VKORC1L1: variants seen among roughly 807,000 people sequenced by gnomAD.
VKORC1L1 encodes the protein vitamin K epoxide reductase complex subunit 1L1.
A neutral mutation model predicts 18.9 loss-of-function variants in VKORC1L1; 2 were observed. That is an observed-to-expected ratio of 0.11 (90% CI 0.04 to 0.33). The LOEUF (loss-of-function observed/expected upper bound fraction) is 0.33. VKORC1L1 is among the 10% of genes least tolerant of loss of function. The pLI is 1.00. For missense variants in VKORC1L1, 123 were observed against 224.1 expected (o/e 0.55, Z 2.88); for synonymous variants, 96 against 100.0 (o/e 0.96, Z 0.24).
At position 65,873,198 on chromosome 7, in the gene VKORC1L1, T is replaced by G; in HGVS notation, c.-174T>G. On this transcript the variant is annotated 5_prime_UTR_variant, in exon 1 of 3. Coordinates refer to ENST00000360768, the MANE Select transcript of VKORC1L1 (RefSeq NM_173517.6). Reference sequence around the variant, plus strand: ...TTGGGGCGGTTGGGCCGCGCGCCTGTGGGGGCGGGGCCCGGAGCAGGCCAC... The same window carrying G: ...TTGGGGCGGTTGGGCCGCGCGCCTGGGGGGGCGGGGCCCGGAGCAGGCCAC... 6 of 815,996 alleles carry G rather than the reference T, an allele frequency of 7.4e-6. No homozygotes were observed. The highest frequency in any genetic ancestry group is 7.4e-6 in the Non-Finnish European group (5 of 676,978). 50.5% of individuals were successfully genotyped at this position (815,996 alleles called of 1,614,324 possible). A position where few individuals can be genotyped will look rare whatever the true frequency, so the allele number is the denominator to read the frequency against.
At chr7:65,866,872 G>A in the VKORC1L1 span, among the ~76,000 whole-genome samples, 2 of 152,060 alleles carry the variant, frequency 1.3e-5, no homozygotes, top group African/African-American at 4.8e-5. Context: ...GGAAGAGGAG[G>A]AGGGGGAAGA....
At chr7:65,929,360 C>T (rs1049425607) in intron 1 of VKORC1L1, among the ~76,000 whole-genome samples, 17 of 152,068 alleles carry the variant, frequency 1.1e-4, no homozygotes, top group African/African-American at 2.7e-4. Context: ...TGCAGTGAGC[C>T]GAGATCGCGC....
intron 1 of VKORC1L1, 103 bp downstream of exon 1, chr7:65,873,668 G>A (rs1047027687): frequency 6.7e-5 from 65 of 968,330 alleles, no homozygotes; most frequent in Non-Finnish European, 8.3e-5. Flanking sequence ...GGGCGGCGGG[G>A]ACCGGGCCGC....
rs1381920902 is a variant in VKORC1L1 at position 65,954,992 on chromosome 7, G to A, written c.*692G>A. The A allele has an allele frequency of 6.6e-6, 1 of 152,176 alleles. No homozygotes were observed. Among genetic ancestry groups the A allele is most frequent in the Admixed American group, 6.5e-5 (1 of 15,272 alleles). 9.4% of individuals were successfully genotyped at this position (152,176 alleles called of 1,614,324 possible). On this transcript the variant is annotated 3_prime_UTR_variant, in exon 3 of 3. Coordinates refer to ENST00000360768, the MANE Select transcript of VKORC1L1 (RefSeq NM_173517.6). ...AAAAAAAATAATAATAGGGTGGTCGGTTCCCTTTCATCTCCCTCTTCTGAA... is the reference window on the plus strand; with the variant it reads ...AAAAAAAATAATAATAGGGTGGTCGATTCCCTTTCATCTCCCTCTTCTGAA...
chr7:65,922,474 G>A (rs1789693431), intron 1 of VKORC1L1, among the ~76,000 whole-genome samples: 1 of 152,036 alleles, frequency 6.6e-6, no homozygotes, highest in Admixed American at 6.6e-5. Flanking sequence ...ACTAGAGACG[G>A]GGCTTTGCCA....
chr7:65,909,369 C>T (rs1222473839), intron 1 of VKORC1L1, among the ~76,000 whole-genome samples: 2 of 151,770 alleles, frequency 1.3e-5, no homozygotes, highest in Admixed American at 6.6e-5. Context: ...CCATTGTTAC[C>T]GAGATGTCGT....
intron 1 of VKORC1L1, among the ~76,000 whole-genome samples, chr7:65,895,502 T>A (rs1435281218): frequency 2.0e-5 from 2 of 99,522 alleles, no homozygotes; most frequent in Admixed American, 1.2e-4. Flanking sequence ...TATATATATA[T>A]ATATATATAT....
chr7:65,882,757 T>C (rs935354093), intron 1 of VKORC1L1, among the ~76,000 whole-genome samples: 1 of 152,246 alleles, frequency 6.6e-6, no homozygotes, highest in African/African-American at 2.4e-5. Context: ...TGCAATAACA[T>C]GACTGCCTAA....
At chr7:65,936,003 G>T (rs903445691) in intron 1 of VKORC1L1, among the ~76,000 whole-genome samples, 2 of 150,708 alleles carry the variant, frequency 1.3e-5, no homozygotes, top group African/African-American at 4.9e-5. Flanking sequence ...TTTCCTCTCT[G>T]TTGTTCAAAT....
chr7:65,881,408 T>C (rs915039859), intron 1 of VKORC1L1, among the ~76,000 whole-genome samples: 10 of 152,210 alleles, frequency 6.6e-5, no homozygotes, highest in Admixed American at 6.5e-4. Flanking sequence ...GATTACATAC[T>C]GTATGATTGC....
rs1488631120 is a variant in VKORC1L1, at chr7:65,873,113, A to T, written c.-259A>T. On this transcript the variant is annotated 5_prime_UTR_variant, in exon 1 of 3. Transcript: ENST00000360768. ...GATCCGGCCTCTTCGGCCGTTGCGC[A>T]CTCCACCCCCTCCCTCCGCGCCCGC... 4.1e-5 allele frequency among the ~76,000 whole-genome samples: 6 copies of T among 144,980 alleles called. No homozygotes were observed. In the South Asian group the frequency reaches 1.3e-3, roughly 32 times the overall value.
chr7:65,907,367 G>T (rs376274474), intron 1 of VKORC1L1, among the ~76,000 whole-genome samples: 101 of 152,286 alleles, frequency 6.6e-4, no homozygotes, highest in Admixed American at 2.2e-3. Flanking sequence ...GAACCCGGGA[G>T]TCGGAGGTTG....
At chr7:65,916,466 T>C (rs961513516) in intron 1 of VKORC1L1, among the ~76,000 whole-genome samples, 2 of 152,160 alleles carry the variant, frequency 1.3e-5, no homozygotes, top group African/African-American at 4.8e-5. Context: ...ATCTTGTGCA[T>C]TTCCTGTCCC....
chr7:65,870,832 G>C (rs1788717290), upstream of VKORC1L1, among the ~76,000 whole-genome samples: 1 of 152,182 alleles, frequency 6.6e-6, no homozygotes, highest in South Asian at 2.1e-4. Flanking sequence ...CCAGGCTGGA[G>C]TGCAGTGGGG....
At chr7:65,888,973 C>T (rs1279448337) in intron 1 of VKORC1L1, among the ~76,000 whole-genome samples, 1 of 151,644 alleles carries the variant, frequency 6.6e-6, no homozygotes, top group Admixed American at 6.6e-5. Flanking sequence ...CCATGTCCTC[C>T]CCAACCCCCC....
intron 1 of VKORC1L1, among the ~76,000 whole-genome samples, chr7:65,899,258 A>G (rs557690694): frequency 6.6e-6 from 1 of 152,302 alleles, no homozygotes; most frequent in South Asian, 2.1e-4. Flanking sequence ...GACTCTGTTC[A>G]ACAGTTTCCC....
rs895534001 is a variant in VKORC1L1, at chr7:65,955,013, C to G, written c.*713C>G. The G allele has an allele frequency of 2.6e-5, 4 of 152,228 alleles. No individual in the cohort carries two copies. Among genetic ancestry groups the G allele is most frequent in the Non-Finnish European group, 5.9e-5 (4 of 68,074 alleles). The allele number at this position is 152,228 out of a possible 1,614,324, so 9.4% of individuals were successfully genotyped here. ...GTCGGTTCCCTTTCATCTCCCTCTT[C>G]TGAAAGGAAAAAATTGAATTGGAAC... On this transcript the variant is annotated 3_prime_UTR_variant, in exon 3 of 3. Transcript: ENST00000360768.
chr7:65,945,422 T>C (rs1790103522), intron 1 of VKORC1L1, among the ~76,000 whole-genome samples: 1 of 151,494 alleles, frequency 6.6e-6, no homozygotes, highest in Non-Finnish European at 1.5e-5. Context: ...CCATCTTGGC[T>C]AACACGGTGA....
chr7:65,957,318 T>A lies in VKORC1L1; in HGVS notation c.*3018T>A, dbSNP rs1479557934. The A allele has an allele frequency of 6.6e-6, 1 of 150,566 alleles. No individual in the cohort carries two copies. Among genetic ancestry groups the A allele is most frequent in the African/African-American group, 2.5e-5 (1 of 40,744 alleles). 9.3% of individuals were successfully genotyped at this position (150,566 alleles called of 1,614,324 possible). On this transcript the variant is annotated 3_prime_UTR_variant, in exon 3 of 3. Coordinates refer to ENST00000360768, the MANE Select transcript of VKORC1L1 (RefSeq NM_173517.6). ...CAGCATAGTGAAACCCCATCTCTAC[T>A]AAAAATACAAAAATTAGCCAGGCGC...
Sources: gnomAD v4.1 joint callset for allele counts (sites outside exome capture counted in the v4.1 genomes callset) on GRCh38, gnomAD v4.1.1 for gene constraint, MANE v1.5 for transcripts, NCBI Gene and HGNC (gene_info 2026-07-23, HGNC 2026-07-21) for gene names.